AFF1: variants seen among roughly 807,000 people sequenced by gnomAD.
AFF1 encodes the protein ALF transcription elongation factor 1, also known as AF4/FMR2 family member 1.
In AFF1, 48 loss-of-function variants were observed where a neutral mutation model predicts 121.7. The ratio of observed to expected loss-of-function variants is 0.39; its 90% confidence interval spans 0.31 to 0.50. The LOEUF (loss-of-function observed/expected upper bound fraction) is 0.50. Among genes scored for constraint, AFF1 ranks in the 20% least tolerant of loss-of-function variants. AFF1 has a pLI of 0.76. For missense variants in AFF1, 1,523 were observed against 1,511.7 expected, an observed-to-expected ratio of 1.01 and a Z score of -0.12; for synonymous variants, 613 against 563.0, an observed-to-expected ratio of 1.09 and a Z score of -1.26.
chr4:87,007,327 T>A (rs549374436), intron 2 of AFF1: 72 of 1,604,354 alleles, frequency 4.5e-5, no homozygotes, highest in Non-Finnish European at 5.9e-5. Context: ...CTCCGCCAAA[T>A]GGTGAGCGCG....
intron 2 of AFF1, among the ~76,000 whole-genome samples, chr4:86,986,595 A>AG (rs988378883): frequency 3.9e-5 from 6 of 152,170 alleles, no homozygotes; most frequent in African/African-American, 1.2e-4. Context: ...AGAACTCTGC[A>AG]GAAAAAAAAA....
intron 16 of AFF1, among the ~76,000 whole-genome samples, chr4:87,129,680 G>C (rs1239418595): frequency 6.6e-6 from 1 of 152,158 alleles, no homozygotes; most frequent in Non-Finnish European, 1.5e-5. Flanking sequence ...TTTTGATTAA[G>C]TTACCTTTTA....
intron 2 of AFF1, among the ~76,000 whole-genome samples, chr4:86,970,152 G>C (rs913083384): frequency 6.6e-6 from 1 of 151,938 alleles, no homozygotes; most frequent in Non-Finnish European, 1.5e-5. Context: ...TTTGTTGTTT[G>C]TTCTTTTCCC....
intron 2 of AFF1, among the ~76,000 whole-genome samples, chr4:86,995,088 C>T (rs1048034170): frequency 1.3e-5 from 2 of 152,016 alleles, no homozygotes; most frequent in African/African-American, 4.8e-5. Context: ...AAAAAATTAG[C>T]CAGGTGTGGT....
intron 4 of AFF1, among the ~76,000 whole-genome samples, chr4:87,075,492 C>G (rs114219511): frequency 0.017 from 2,622 of 152,214 alleles, 82 homozygotes; most frequent in African/African-American, 0.06. Flanking sequence ...CAGTGTTTAT[C>G]CTGGAGTATT....
intron 4 of AFF1, chr4:87,047,852 A>G (rs980920333): frequency 1.6e-5 from 9 of 566,138 alleles, no homozygotes; most frequent in Admixed American, 1.1e-4. Context: ...ATACAGTAAA[A>G]CATAGAGATC....
intron 2 of AFF1, among the ~76,000 whole-genome samples, chr4:86,987,311 C>T (rs570194688): frequency 5.9e-5 from 9 of 152,202 alleles, no homozygotes; most frequent in Admixed American, 1.3e-4. Context: ...TTATTTAATG[C>T]GTCTACCTCT....
At chr4:87,089,899 T>G (rs1284544260) in intron 5 of AFF1, 85 bp from the exon 6 acceptor site, 12 of 981,100 alleles carry the variant, frequency 1.2e-5, no homozygotes, top group Non-Finnish European at 1.7e-5. Context: ...GATCAATCCA[T>G]TCTACATTAA....
chr4:87,041,277 A>G (rs767590905), intron 2 of AFF1, among the ~76,000 whole-genome samples: 3 of 152,182 alleles, frequency 2.0e-5, no homozygotes. Flanking sequence ...AACTGATGTG[A>G]TAGTGCCAAA....
At chr4:87,084,222 T>C in intron 5 of AFF1, 58 bp downstream of exon 5, 1 of 1,545,640 alleles carries the variant, frequency 6.5e-7, no homozygotes, top group Non-Finnish European at 8.9e-7. Context: ...TAGGCGTACA[T>C]CCATTTACTT....
chr4:87,097,422 C>A (rs1724985400), intron 8 of AFF1, among the ~76,000 whole-genome samples: 1 of 152,186 alleles, frequency 6.6e-6, no homozygotes, highest in African/African-American at 2.4e-5. Flanking sequence ...ACAGACCATT[C>A]CTGTGATGAC....
At chr4:87,060,861 AAAAAAACAC>A (rs1490707537) in intron 4 of AFF1, among the ~76,000 whole-genome samples, 1 of 49,514 alleles carries the variant, frequency 2.0e-5, no homozygotes, top group African/African-American at 1.3e-4. Flanking sequence ...AAAAAAAAAA[AAAAAAACAC>A]AAAAAAACAA....
At chr4:87,103,748 G>A (rs955222623) in intron 8 of AFF1, among the ~76,000 whole-genome samples, 1 of 152,202 alleles carries the variant, frequency 6.6e-6, no homozygotes, top group African/African-American at 2.4e-5. Context: ...GTAGCTAGAA[G>A]AGAAAGTTAC....
intron 10 of AFF1, among the ~76,000 whole-genome samples, chr4:87,107,512 G>A (rs1340492414): frequency 6.6e-6 from 1 of 152,190 alleles, no homozygotes; most frequent in African/African-American, 2.4e-5. Context: ...TCCAGGAAGT[G>A]TGAGTGGTTG....
chr4:87,034,027 A>T (rs1729318680), intron 2 of AFF1, among the ~76,000 whole-genome samples: 1 of 152,158 alleles, frequency 6.6e-6, no homozygotes, highest in Non-Finnish European at 1.5e-5. Context: ...ATGATGACGG[A>T]ACAGATGAGT....
chr4:87,030,315 G>A (rs796633414), intron 2 of AFF1, among the ~76,000 whole-genome samples: 4 of 152,334 alleles, frequency 2.6e-5, no homozygotes, highest in African/African-American at 9.6e-5. Context: ...CAATACGTAA[G>A]CAGATGAGGA....
chr4:87,024,886 G>A lies in AFF1; in HGVS notation c.39-21280G>A, dbSNP rs575900135. Among the ~76,000 whole-genome samples, 37 of 152,302 alleles carry A rather than the reference G, an allele frequency of 2.4e-4. No individual in the cohort carries two copies. In the South Asian group the frequency reaches 5.6e-3, roughly 23 times the overall value. On this transcript the variant is annotated intron_variant, in intron 2 of 20. Transcript: ENST00000395146. Reference sequence around the variant, plus strand: ...TGGGATCACAGGCGTGAGCCACTGCGCCCAGCCCCGATCCTGATCCCTATC... The same window carrying A: ...TGGGATCACAGGCGTGAGCCACTGCACCCAGCCCCGATCCTGATCCCTATC...
In AFF1 at chr4:86,948,517, T is replaced by C; in HGVS notation, c.-17T>C. 6.5e-7 allele frequency: 1 copy of C among 1,536,726 alleles called. No homozygotes were observed. The highest frequency in any genetic ancestry group is 8.7e-7 in the Non-Finnish European group (1 of 1,146,528). On this transcript the variant is annotated 5_prime_UTR_variant, in exon 2 of 21. Coordinates refer to ENST00000395146, the MANE Select transcript of AFF1 (RefSeq NM_001166693.3). ...TTTCAGATGAACAGACTAGCCACTT[T>C]GCATTGACTGGAAACAATGGCATTT...
At chr4:87,113,154 G>C (rs976241182) in intron 11 of AFF1, among the ~76,000 whole-genome samples, 2 of 152,210 alleles carry the variant, frequency 1.3e-5, no homozygotes, top group Admixed American at 6.5e-5. Context: ...TTAAGGTAAC[G>C]AGCCAGGAAC....
Sources: gnomAD v4.1 joint callset for allele counts (sites outside exome capture counted in the v4.1 genomes callset) on GRCh38, gnomAD v4.1.1 for gene constraint, MANE v1.5 for transcripts, NCBI Gene and HGNC (gene_info 2026-07-23, HGNC 2026-07-21) for gene names.